Variants in CPEB3 observed in about 807,000 individuals in gnomAD.
The protein encoded by CPEB3 is cytoplasmic polyadenylation element-binding protein 3.
CPEB3 carries 20 observed loss-of-function variants against 67.2 expected under a neutral mutation model. That is an observed-to-expected ratio of 0.30 (90% CI 0.21 to 0.43). CPEB3 has a LOEUF of 0.43. CPEB3 is among the 20% of genes least tolerant of loss of function. The probability of loss-of-function intolerance (pLI) is 1.00; values close to 1 mark genes in which losing one functional copy is unlikely to be tolerated. For synonymous variants in CPEB3, 376 were observed against 393.1 expected, an observed-to-expected ratio of 0.96 and a Z score of 0.51; for missense variants, 746 against 968.6, an observed-to-expected ratio of 0.77 and a Z score of 3.05.
At chr10:92,144,268 TTTTA>T (rs1846573654) in intron 5 of CPEB3, among the ~76,000 whole-genome samples, 1 of 152,138 alleles carries the variant, frequency 6.6e-6, no homozygotes, top group Non-Finnish European at 1.5e-5. Context: ...AGGTATTTGT[TTTTA>T]TTTATTTATT....
intron 1 of CPEB3, among the ~76,000 whole-genome samples, chr10:92,252,342 T>C (rs1852336567): frequency 6.6e-6 from 1 of 152,176 alleles, no homozygotes; most frequent in Non-Finnish European, 1.5e-5. Flanking sequence ...GGTGAAAGTA[T>C]AGTTCGGTAT....
At chr10:92,169,241 C>T (rs531267607) in intron 4 of CPEB3, among the ~76,000 whole-genome samples, 3 of 151,698 alleles carry the variant, frequency 2.0e-5, no homozygotes, top group South Asian at 2.1e-4. Flanking sequence ...CAGGTTCAAG[C>T]GATTCTCCTG....
intron 9 of CPEB3, among the ~76,000 whole-genome samples, chr10:92,060,659 C>T (rs964086536): frequency 6.6e-6 from 1 of 152,054 alleles, no homozygotes; most frequent in African/African-American, 2.4e-5. Flanking sequence ...GCTCAAACAA[C>T]TCTATAGGAA....
chr10:92,239,909 C>G lies in CPEB3; in HGVS notation c.442G>C (p.Gly148Arg). ...CCGATCTGCGGGGAGAAAGTGCCTC[C>G]GAAGACTGGGTTGACATGGTGCGGG... is the stretch of plus-strand genomic sequence containing the variant. ...NFPHHVNPVF[G>R]GTFSPQIGLA... Residue 148 changes from glycine (G) to arginine (R), a missense_variant, in exon 2 of 10, where the codon GGA (glycine) becomes CGA (arginine). This residue lies in a region of CPEB3 where 643 missense variants were observed against 717.5 expected (regional missense o/e 0.90). Coordinates refer to ENST00000265997, the MANE Select transcript of CPEB3 (RefSeq NM_014912.5). This position sits in a 1 kb window ranked among gnomAD's most constrained non-coding sequence, Gnocchi z 6.0. 3 of 1,612,726 alleles carry G rather than the reference C, an allele frequency of 1.9e-6. No homozygotes were observed. The highest frequency in any genetic ancestry group is 2.5e-6 in the Non-Finnish European group (3 of 1,179,454).
chr10:92,151,903 C>T (rs186814039), intron 4 of CPEB3, among the ~76,000 whole-genome samples: 1 of 152,332 alleles, frequency 6.6e-6, no homozygotes, highest in East Asian at 1.9e-4. Flanking sequence ...TCCTAACTAT[C>T]CTCATCTCAT....
intron 1 of CPEB3, among the ~76,000 whole-genome samples, chr10:92,289,137 G>A (rs998452730): frequency 4.6e-5 from 7 of 152,008 alleles, no homozygotes; most frequent in African/African-American, 1.7e-4. Flanking sequence ...CAGCTACTCC[G>A]GAGGCTGAGG....
chr10:92,265,795 T>C (rs1023205889), intron 1 of CPEB3, among the ~76,000 whole-genome samples: 2 of 151,366 alleles, frequency 1.3e-5, no homozygotes, highest in Non-Finnish European at 3.0e-5. Context: ...GTTTTCTTTT[T>C]TTTTTTTTTC....
At chr10:92,284,896 C>T (rs576496575) in intron 1 of CPEB3, among the ~76,000 whole-genome samples, 94 of 152,234 alleles carry the variant, frequency 6.2e-4, no homozygotes, top group African/African-American at 1.8e-3. Context: ...ACTATTCTCC[C>T]GATTTAACCA....
intron 4 of CPEB3, among the ~76,000 whole-genome samples, chr10:92,168,050 C>T (rs1182693351): frequency 6.6e-6 from 1 of 152,086 alleles, no homozygotes; most frequent in Non-Finnish European, 1.5e-5. Context: ...TGAGCATATG[C>T]TGTTAGAAAA....
chr10:92,063,516 GCA>G (rs1158790226), intron 9 of CPEB3, among the ~76,000 whole-genome samples: 1 of 152,182 alleles, frequency 6.6e-6, no homozygotes, highest in Non-Finnish European at 1.5e-5. Context: ...TGTAATCCCA[GCA>G]CTTTGGGAGG....
intron 4 of CPEB3, among the ~76,000 whole-genome samples, chr10:92,151,017 C>A (rs965154912): frequency 1.3e-5 from 2 of 152,210 alleles, no homozygotes; most frequent in South Asian, 4.2e-4. Flanking sequence ...GTTTTTGGTC[C>A]AGTAATTGGA....
intron 3 of CPEB3, among the ~76,000 whole-genome samples, chr10:92,186,682 G>A (rs371586011): frequency 9.2e-5 from 14 of 152,160 alleles, no homozygotes; most frequent in African/African-American, 2.4e-4. Context: ...CGATCTGCCC[G>A]CCTCAGCCTC....
At chr10:92,258,597 A>T (rs1852625932) in intron 1 of CPEB3, among the ~76,000 whole-genome samples, 1 of 130,966 alleles carries the variant, frequency 7.6e-6, no homozygotes, top group African/African-American at 3.0e-5. Flanking sequence ...ATCTATGTTC[A>T]GTTTCCAGAC....
At chr10:92,193,722 G>A (rs201909630) in intron 2 of CPEB3, among the ~76,000 whole-genome samples, 1 of 151,946 alleles carries the variant, frequency 6.6e-6, no homozygotes, top group South Asian at 2.1e-4. Context: ...AACTCAAACG[G>A]AATCATTTTC....
intron 1 of CPEB3, among the ~76,000 whole-genome samples, chr10:92,290,511 C>G (rs1407919670): frequency 6.6e-6 from 1 of 152,134 alleles, no homozygotes. Flanking sequence ...TCGGCGAGCC[C>G]TGGAAAGCCC....
rs983013668 is a variant in CPEB3, at chr10:92,046,734, A to G, written c.*5478T>C. On this transcript the variant is annotated 3_prime_UTR_variant, in exon 10 of 10. Coordinates refer to ENST00000265997, the MANE Select transcript of CPEB3 (RefSeq NM_014912.5). ...TTTAATAAGTTGTTATTACAGAAAA[A>G]AATGAAGTCCAAACTACAAAGTTTA... 1.3e-5 allele frequency: 2 copies of G among 152,234 alleles called. No individual in the cohort carries two copies. Among genetic ancestry groups the G allele is most frequent in the Non-Finnish European group, 2.9e-5 (2 of 68,042 alleles). The allele number at this position is 152,234 out of a possible 1,614,324, so 9.4% of individuals were successfully genotyped here. A position where few individuals can be genotyped will look rare whatever the true frequency, so the allele number is the denominator to read the frequency against.
chr10:92,168,790 C>G (rs1847865686), intron 4 of CPEB3, among the ~76,000 whole-genome samples: 1 of 144,342 alleles, frequency 6.9e-6, no homozygotes, highest in African/African-American at 2.7e-5. Context: ...AACCTCTTGC[C>G]CTTTTTTTTT....
rs1344090791 is a variant in CPEB3, at chr10:92,130,170, G to A, written c.1453+12859C>T. On this transcript the variant is annotated intron_variant, in intron 6 of 9. Coordinates refer to ENST00000265997, the MANE Select transcript of CPEB3 (RefSeq NM_014912.5). Reference sequence around the variant, plus strand: ...GGAATTTGCTTCCCTACATGTTCTAGCTAACTCCTCAATTTTCAGGTCTGC... The same window carrying A: ...GGAATTTGCTTCCCTACATGTTCTAACTAACTCCTCAATTTTCAGGTCTGC... Among the ~76,000 whole-genome samples the A allele has an allele frequency of 2.0e-5, 3 of 151,562 alleles. No individual in the cohort carries two copies. In the East Asian group the frequency reaches 5.8e-4, roughly 29 times the overall value.
At chr10:92,081,532 A>G (rs1231240699) in intron 8 of CPEB3, 31 bp from the exon 9 acceptor site, 13 of 1,588,916 alleles carry the variant, frequency 8.2e-6, no homozygotes, top group Non-Finnish European at 1.1e-5. Flanking sequence ...ATGGATGTGT[A>G]TAAATATCTG....
Sources: gnomAD v4.1 joint callset for allele counts (sites outside exome capture counted in the v4.1 genomes callset) on GRCh38, gnomAD v4.1.1 for gene constraint, gnomAD v4.1.1 regional missense constraint, Gnocchi (gnomAD v3.1) non-coding constraint, MANE v1.5 for transcripts, NCBI Gene and HGNC (gene_info 2026-07-23, HGNC 2026-07-21) for gene names.